Variants in RCOR3 observed in about 807,000 individuals in gnomAD.
The protein encoded by RCOR3 is REST corepressor 3.
RCOR3 carries 13 observed loss-of-function variants against 64.1 expected under a neutral mutation model. That is an observed-to-expected ratio of 0.20 (90% CI 0.13 to 0.32). The LOEUF (loss-of-function observed/expected upper bound fraction) is 0.32, where lower values mean the gene tolerates loss of function less well. Among genes scored for constraint, RCOR3 ranks in the 10% least tolerant of loss-of-function variants. RCOR3 has a pLI of 1.00. For synonymous variants in RCOR3, 215 were observed against 239.0 expected (o/e 0.90, Z 0.93); for missense variants, 489 against 701.2 (o/e 0.70, Z 3.42).
rs1208962055 is a variant in RCOR3 at position 211,304,043 on chromosome 1, C to T, written c.1018-40C>T. ...AATAAGCGCTTTGGAAAATGTCTGT[C>T]TTCATATCCTCATTAGGAAACTTCT... On this transcript the variant is annotated intron_variant, in intron 9 of 11. Coordinates refer to ENST00000419091, the MANE Select transcript of RCOR3 (RefSeq NM_001136223.3). The T allele has an allele frequency of 1.4e-5, 21 of 1,459,284 alleles. 1 individual carries two copies. Among genetic ancestry groups the T allele is most frequent in the Admixed American group, 4.0e-5 (2 of 49,674 alleles). 90.4% of individuals were successfully genotyped at this position (1,459,284 alleles called of 1,614,324 possible).
intron 7 of RCOR3, among the ~76,000 whole-genome samples, chr1:211,284,906 G>A (rs917899511): frequency 2.6e-5 from 4 of 152,180 alleles, no homozygotes; most frequent in Non-Finnish European, 4.4e-5. Flanking sequence ...TTACGCATAT[G>A]CCTGGCTCTC....
intron 10 of RCOR3, among the ~76,000 whole-genome samples, chr1:211,309,086 TAAAAAAA>T (rs10688171): frequency 8.8e-6 from 1 of 113,908 alleles, no homozygotes; most frequent in South Asian, 3.2e-4. Context: ...TAGCTAAACA[TAAAAAAA>T]AAAAAAAAAA....
chr1:211,313,777 T>C lies in RCOR3; in HGVS notation c.*9T>C, dbSNP rs1237145959. On this transcript the variant is annotated 3_prime_UTR_variant, in exon 12 of 12. Coordinates refer to ENST00000419091, the MANE Select transcript of RCOR3 (RefSeq NM_001136223.3). The surrounding 1 kb of genome is among the most constrained non-coding windows in gnomAD (Gnocchi z 4.7). ...AGTCCTCACTGCACTAAAAATTAAA[T>C]TGGACACAGCTGCAGTAACTTTTCA... 5.0e-6 allele frequency: 8 copies of C among 1,607,700 alleles called. No individual in the cohort carries two copies. The highest frequency in any genetic ancestry group is 6.8e-6 in the Non-Finnish European group (8 of 1,174,496).
chr1:211,277,787 G>C (rs1355847425), intron 5 of RCOR3, among the ~76,000 whole-genome samples: 3 of 152,156 alleles, frequency 2.0e-5, no homozygotes, highest in Non-Finnish European at 4.4e-5. Context: ...CCACTAATAT[G>C]TACACTTAAA....
chr1:211,269,741 A>T (rs1695829257), intron 2 of RCOR3, among the ~76,000 whole-genome samples: 1 of 152,080 alleles, frequency 6.6e-6, no homozygotes, highest in Admixed American at 6.5e-5. Flanking sequence ...TGGCATAGCT[A>T]TCTCAGGCCT....
chr1:211,281,884 G>A (rs922642246), intron 7 of RCOR3, among the ~76,000 whole-genome samples: 1 of 152,036 alleles, frequency 6.6e-6, no homozygotes, highest in African/African-American at 2.4e-5. Flanking sequence ...GCCTTCCTGC[G>A]TGGTGAGCTC....
intron 2 of RCOR3, among the ~76,000 whole-genome samples, chr1:211,265,216 T>C (rs1362778006): frequency 3.3e-5 from 5 of 152,204 alleles, no homozygotes; most frequent in Admixed American, 2.0e-4. Flanking sequence ...ATTGAAAATA[T>C]TAAGTTTGAT....
intron 2 of RCOR3, among the ~76,000 whole-genome samples, chr1:211,264,388 A>T (rs1029857620): frequency 1.3e-5 from 2 of 152,218 alleles, no homozygotes; most frequent in African/African-American, 4.8e-5. Context: ...TTAAGCAGGT[A>T]AAGAATGAAT....
At position 211,314,208 on chromosome 1, in the gene RCOR3, T is replaced by A. The variant is rs1038645997; in HGVS notation, c.*440T>A. 6.5e-6 allele frequency: 1 copy of A among 153,604 alleles called. No homozygotes were observed. Among genetic ancestry groups the A allele is most frequent in the Non-Finnish European group, 1.4e-5 (1 of 69,094 alleles). 9.5% of individuals were successfully genotyped at this position (153,604 alleles called of 1,614,324 possible). A position where few individuals can be genotyped will look rare whatever the true frequency, so the allele number is the denominator to read the frequency against. On this transcript the variant is annotated 3_prime_UTR_variant, in exon 12 of 12. Transcript: ENST00000419091. The stretch of plus-strand genomic sequence containing the variant: ...AAGGATGTTTGGCTTTTTTCTTTAA[T>A]TTTTTAAAAACCATTTTCCTATGTT...
chr1:211,295,265 CT>C (rs1699748532), intron 8 of RCOR3, among the ~76,000 whole-genome samples: 1 of 151,902 alleles, frequency 6.6e-6, no homozygotes, highest in Admixed American at 6.6e-5. Context: ...ATATAAAGGA[CT>C]GAGAATGATG....
chr1:211,266,619 A>G (rs139914006), intron 2 of RCOR3, among the ~76,000 whole-genome samples: 73 of 152,294 alleles, frequency 4.8e-4, no homozygotes, highest in African/African-American at 1.7e-3. Context: ...CTTCTAAGGC[A>G]TGGTTGTTTT....
At chr1:211,290,049 G>A (rs532638329) in intron 8 of RCOR3, among the ~76,000 whole-genome samples, 10 of 152,240 alleles carry the variant, frequency 6.6e-5, no homozygotes, top group East Asian at 1.9e-4. Flanking sequence ...AGTGCCTGGC[G>A]CATATTAAGC....
intron 7 of RCOR3, among the ~76,000 whole-genome samples, chr1:211,282,694 T>C (rs1697983244): frequency 1.3e-5 from 2 of 152,156 alleles, no homozygotes; most frequent in Non-Finnish European, 2.9e-5. Context: ...AAATGGGGTT[T>C]CGCCATGTTG....
At chr1:211,271,921 T>G (rs190519553) in intron 3 of RCOR3, 46 of 161,720 alleles carry the variant, frequency 2.8e-4, no homozygotes, top group Admixed American at 5.2e-4. Context: ...ATCATTTAGT[T>G]TATTAAATAA....
chr1:211,300,268 C>T (rs1241634686), intron 9 of RCOR3, among the ~76,000 whole-genome samples: 6 of 151,816 alleles, frequency 4.0e-5, no homozygotes, highest in Admixed American at 3.9e-4. Flanking sequence ...CGGGATCTTG[C>T]TATGTTGCCC....
intron 9 of RCOR3, chr1:211,303,611 TG>T (rs1338782752): frequency 2.3e-5 from 1 of 43,302 alleles, no homozygotes; most frequent in African/African-American, 7.3e-5. Context: ...GGAGAAATAT[TG>T]GGGGTGTCTG....
chr1:211,287,184 T>C (rs1238302827), intron 7 of RCOR3, among the ~76,000 whole-genome samples: 3 of 152,204 alleles, frequency 2.0e-5, no homozygotes, highest in Non-Finnish European at 4.4e-5. Context: ...TTTTGGTTTC[T>C]TTCCACCCAG....
chr1:211,277,390 A>G (rs930566698), intron 5 of RCOR3, among the ~76,000 whole-genome samples: 1 of 152,182 alleles, frequency 6.6e-6, no homozygotes, highest in Non-Finnish European at 1.5e-5. Context: ...CTGACAGATC[A>G]GTGCATGATC....
rs1415141011 is a variant in RCOR3 at position 211,259,677 on chromosome 1, G to A, written c.117G>A (p.Gly39=). 6.5e-7 allele frequency: 1 copy of A among 1,545,922 alleles called. No individual in the cohort carries two copies. Among genetic ancestry groups the A allele is most frequent in the East Asian group, 2.5e-5 (1 of 40,524 alleles). ...GCGGCGCCTCGTCCACCAACGGCGG[G>A]CTGCACTACTCAGAGCCCGAGAGCG... is the stretch of plus-strand genomic sequence containing the variant. ...GGSGASSTNG[G]LHYSEPESGC... The change falls in exon 1 of 12, where the codon GGG becomes GGA. Residue 39 remains glycine, a synonymous_variant. Transcript: ENST00000419091.
Sources: gnomAD v4.1 joint callset for allele counts (sites outside exome capture counted in the v4.1 genomes callset) on GRCh38, gnomAD v4.1.1 for gene constraint, Gnocchi (gnomAD v3.1) non-coding constraint, MANE v1.5 for transcripts, NCBI Gene and HGNC (gene_info 2026-07-23, HGNC 2026-07-21) for gene names.